CDH3: variants seen among roughly 807,000 people sequenced by gnomAD.
CDH3 encodes cadherin 3.
Under a neutral mutation model 82.0 loss-of-function variants are expected in CDH3, and 54 were observed. The ratio of observed to expected loss-of-function variants is 0.66; its 90% CI spans 0.53 to 0.83. The LOEUF is 0.83. CDH3 is among the 40% of genes least tolerant of loss of function. CDH3 has a pLI of 0.00. For missense variants in CDH3, 1,054 were observed against 1,084.6 expected, an observed-to-expected ratio of 0.97 and a Z score of 0.40; for synonymous variants, 446 against 437.9, an observed-to-expected ratio of 1.02 and a Z score of -0.23.
chr16:68,648,398 G>A (rs919155815), intron 2 of CDH3, among the ~76,000 whole-genome samples: 2 of 151,760 alleles, frequency 1.3e-5, no homozygotes, highest in African/African-American at 2.4e-5. Context: ...AGTCATCACT[G>A]CAGTGATCAG....
At chr16:68,669,621 G>C (rs1028343553) in intron 2 of CDH3, among the ~76,000 whole-genome samples, 12 of 151,930 alleles carry the variant, frequency 7.9e-5, no homozygotes, top group African/African-American at 2.4e-4. Context: ...GGTGGCGGGG[G>C]GGGTGGGCGG....
At position 68,698,348 on chromosome 16, in the gene CDH3, G is replaced by A. The variant is rs759686595; in HGVS notation, c.2438G>A (p.Gly813Asp). 3 of 1,613,812 alleles carry A rather than the reference G, an allele frequency of 1.9e-6. No homozygotes were observed. Among genetic ancestry groups the A allele is most frequent in the South Asian group, 1.1e-5 (1 of 91,088 alleles). Residue 813 changes from glycine (G) to aspartate (D), a missense_variant, in exon 16 of 16, where the codon GGC becomes GAC. By Grantham distance (94) the Gly-to-Asp change is moderately conservative. Transcript: ENST00000264012. ...GATTACGATTATCTGAACGAGTGGG[G>A]CAGCCGCTTCAAGAAGCTGGCAGAC... ...DQDYDYLNEW[G>D]SRFKKLADMY...
chr16:68,650,771 G>A (rs1296429459), intron 2 of CDH3, among the ~76,000 whole-genome samples: 1 of 152,050 alleles, frequency 6.6e-6, no homozygotes, highest in Admixed American at 6.5e-5. Flanking sequence ...GGACGTGCCA[G>A]CAGGGACCCT....
At chr16:68,728,323 G>A (rs187273071), downstream of CDH3, among the ~76,000 whole-genome samples, 6 of 152,162 alleles carry the variant, frequency 3.9e-5, no homozygotes, top group East Asian at 3.9e-4. Flanking sequence ...CCGCCACCAC[G>A]CCCAGCTAAT....
At position 68,691,839 on chromosome 16, in the gene CDH3, G is replaced by A. The variant is rs560120147; in HGVS notation, c.1915G>A (p.Asp639Asn). 13 of 1,614,128 alleles carry A rather than the reference G, an allele frequency of 8.1e-6. No individual in the cohort carries two copies. The highest frequency in any genetic ancestry group is 1.7e-5 in the Admixed American group (1 of 60,004). The change falls in exon 13 of 16, where the codon GAC becomes AAC. Residue 639 changes from aspartate (D) to asparagine (N), a missense_variant. Physicochemically the swap from Asp to Asn is conservative, Grantham distance 23. Coordinates refer to ENST00000264012, the MANE Select transcript of CDH3 (RefSeq NM_001793.6). ...GACGGTGATCAGGGCCACTGTGTGC[G>A]ACTGCCATGGCCATGTCGAAACCTG... is the stretch of plus-strand genomic sequence containing the variant. ...QLTVIRATVC[D>N]CHGHVETCPG...
chr16:68,691,012 T>TG (rs754812874), intron 12 of CDH3, among the ~76,000 whole-genome samples: 1 of 3,898 alleles, frequency 2.6e-4, no homozygotes, highest in African/African-American at 6.6e-4. Flanking sequence ...CTTTACTTTC[T>TG]TTTTTTTTTT....
At chr16:68,690,675 G>A (rs570307562) in intron 12 of CDH3, among the ~76,000 whole-genome samples, 245 of 152,230 alleles carry the variant, frequency 1.6e-3, no homozygotes, top group African/African-American at 5.3e-3. Flanking sequence ...CTGGGAGGCC[G>A]AGGAAGGTGG....
In CDH3 at chr16:68,698,469, C is replaced by T. The variant is rs1961815932; in HGVS notation, c.*69C>T. 3 of 1,436,404 alleles carry T rather than the reference C, an allele frequency of 2.1e-6. No homozygotes were observed. The highest frequency in any genetic ancestry group is 3.4e-5 in the Admixed American group (2 of 58,416). The allele number at this position is 1,436,404 out of a possible 1,614,324, so 89.0% of individuals were successfully genotyped here. A position where few individuals can be genotyped will look rare whatever the true frequency, so the allele number is the denominator to read the frequency against. The stretch of plus-strand genomic sequence containing the variant: ...GCATCTCCAAGGGGTCTCAGTTCCC[C>T]CTTCAGCTGAGGACTTCGGAGCTTG... On this transcript the variant is annotated 3_prime_UTR_variant, in exon 16 of 16. Coordinates refer to ENST00000264012, the MANE Select transcript of CDH3 (RefSeq NM_001793.6).
chr16:68,726,299 C>T (rs1191583575), intron 2 of CDH3, among the ~76,000 whole-genome samples: 1 of 152,216 alleles, frequency 6.6e-6, no homozygotes, highest in African/African-American at 2.4e-5. Flanking sequence ...TGGTCACCTG[C>T]TCCCCTGACC....
chr16:68,662,915 C>T (rs1960631721), intron 2 of CDH3, among the ~76,000 whole-genome samples: 1 of 128,004 alleles, frequency 7.8e-6, no homozygotes, highest in Non-Finnish European at 1.6e-5. Flanking sequence ...GTCACCCAGG[C>T]TGGAGTGCAG....
intron 3 of CDH3, among the ~76,000 whole-genome samples, chr16:68,677,598 C>T (rs375579021): frequency 6.6e-6 from 1 of 152,038 alleles, no homozygotes; most frequent in Non-Finnish European, 1.5e-5. Context: ...ATTAGCTGGG[C>T]GTGGTGGCAG....
At chr16:68,648,472 G>A (rs1230957366) in intron 2 of CDH3, among the ~76,000 whole-genome samples, 3 of 150,946 alleles carry the variant, frequency 2.0e-5, no homozygotes, top group Non-Finnish European at 4.4e-5. Context: ...TTTGAGATAG[G>A]GTATCGCTCT....
chr16:68,654,702 C>CAA (rs199604730), intron 2 of CDH3, among the ~76,000 whole-genome samples: 10 of 124,280 alleles, frequency 8.0e-5, no homozygotes, highest in East Asian at 2.4e-4. Context: ...GACTCTGTCT[C>CAA]AAAAAAAAAA....
chr16:68,682,187 G>A (rs1286896416), intron 8 of CDH3, 115 bp from the exon 9 acceptor site: 1 of 1,199,462 alleles, frequency 8.3e-7, no homozygotes, highest in South Asian at 1.3e-5. Context: ...TGGGTGGGTG[G>A]TCCAGGAAAG....
chr16:68,657,494 A>G (rs1960438382), intron 2 of CDH3, among the ~76,000 whole-genome samples: 1 of 152,166 alleles, frequency 6.6e-6, no homozygotes, highest in African/African-American at 2.4e-5. Context: ...AGCCTGGGCG[A>G]CAGAGCAAGA....
chr16:68,704,387 C>G (rs906778296), downstream of CDH3, among the ~76,000 whole-genome samples: 4 of 152,008 alleles, frequency 2.6e-5, no homozygotes, highest in African/African-American at 9.7e-5. Context: ...TGTAGGGACT[C>G]ACAAGGCCTG....
At chr16:68,647,273 G>T in intron 2 of CDH3, among the ~76,000 whole-genome samples, 1 of 82,466 alleles carries the variant, frequency 1.2e-5, no homozygotes, top group African/African-American at 5.2e-5. Flanking sequence ...CCGCCCCATT[G>T]TCAAGTTCTC....
At chr16:68,662,039 A>T (rs1318656809) in intron 2 of CDH3, among the ~76,000 whole-genome samples, 1 of 152,216 alleles carries the variant, frequency 6.6e-6, no homozygotes, top group Non-Finnish European at 1.5e-5. Flanking sequence ...TCTATGGAGG[A>T]AAGTTATTCA....
intron 1 of CDH3, among the ~76,000 whole-genome samples, chr16:68,709,659 A>G (rs1434040142): frequency 6.6e-6 from 1 of 152,046 alleles, no homozygotes; most frequent in African/African-American, 2.4e-5. Flanking sequence ...AGGTTTCGCC[A>G]TATTGGCTAG....
Sources: gnomAD v4.1 joint callset for allele counts (sites outside exome capture counted in the v4.1 genomes callset) on GRCh38, gnomAD v4.1.1 for gene constraint, MANE v1.5 for transcripts, NCBI Gene and HGNC (gene_info 2026-07-23, HGNC 2026-07-21) for gene names.